LDB2: variants seen among roughly 807,000 people sequenced by gnomAD.
The protein encoded by LDB2 is LIM domain-binding protein 2.
Under a neutral mutation model 44.3 loss-of-function variants are expected in LDB2, and 12 were observed. The observed-to-expected ratio is 0.27, with a 90% CI of 0.17 to 0.44. The LOEUF (loss-of-function observed/expected upper bound fraction) is 0.44, where lower values mean the gene tolerates loss of function less well. LDB2 is among the 20% of genes least tolerant of loss of function. LDB2 has a pLI of 1.00. For missense variants in LDB2, 344 were observed against 473.5 expected (o/e 0.73, Z 2.54); for synonymous variants, 164 against 174.8 (o/e 0.94, Z 0.49).
chr4:16,667,718 G>A (rs1335021775), intron 2 of LDB2, among the ~76,000 whole-genome samples: 4 of 152,186 alleles, frequency 2.6e-5, no homozygotes, highest in African/African-American at 9.7e-5. Flanking sequence ...TCAGAGGCAT[G>A]CTCAGGCCTG....
chr4:16,772,507 A>G lies in LDB2; in HGVS notation c.133-13247T>C, dbSNP rs1770927796. 3.3e-5 allele frequency among the ~76,000 whole-genome samples: 5 copies of G among 152,210 alleles called. No individual in the cohort carries two copies. In the South Asian group the frequency reaches 1.0e-3, roughly 32 times the overall value. ...GTTCAGAGCTGGCACAGCCCAGCTG[A>G]TTACAACCACATCATAGAGTACCAG... On this transcript the variant is annotated intron_variant, in intron 1 of 7. Transcript: ENST00000304523.
intron 2 of LDB2, among the ~76,000 whole-genome samples, chr4:16,635,872 ATAG>A (rs1177239144): frequency 2.0e-5 from 3 of 152,130 alleles, no homozygotes; most frequent in Non-Finnish European, 4.4e-5. Flanking sequence ...CTCACGGTCT[ATAG>A]TATAGGTGAA....
At chr4:16,762,624 C>A (rs1768175721) in intron 1 of LDB2, among the ~76,000 whole-genome samples, 1 of 152,160 alleles carries the variant, frequency 6.6e-6, no homozygotes, top group South Asian at 2.1e-4. Flanking sequence ...AAACCACCCC[C>A]ATGATTCAAT....
At chr4:16,672,385 G>C (rs1452317479) in intron 2 of LDB2, among the ~76,000 whole-genome samples, 4 of 152,186 alleles carry the variant, frequency 2.6e-5, no homozygotes, top group Non-Finnish European at 5.9e-5. Context: ...TGGGAAAAAA[G>C]CTGGAGAGGA....
At chr4:16,840,539 A>G (rs1251748544) in intron 1 of LDB2, among the ~76,000 whole-genome samples, 1 of 152,204 alleles carries the variant, frequency 6.6e-6, no homozygotes, top group Non-Finnish European at 1.5e-5. Flanking sequence ...CGGCTTTAAT[A>G]GCTTATCTAC....
chr4:16,714,996 C>CT (rs547866243), intron 2 of LDB2, among the ~76,000 whole-genome samples: 1 of 152,220 alleles, frequency 6.6e-6, no homozygotes, highest in East Asian at 1.9e-4. Context: ...TGGGGTATAT[C>CT]TTTTTTTGGG....
At chr4:16,897,939 CACATATGT>C (rs1725725682) in intron 1 of LDB2, among the ~76,000 whole-genome samples, 1 of 10,474 alleles carries the variant, frequency 9.5e-5, no homozygotes, top group African/African-American at 6.5e-4. Context: ...TATATATATA[CACATATGT>C]ATATATATAT....
At chr4:16,761,002 T>G (rs1767786588) in intron 1 of LDB2, among the ~76,000 whole-genome samples, 2 of 150,994 alleles carry the variant, frequency 1.3e-5, no homozygotes, top group Admixed American at 1.3e-4. Context: ...TTCTTCTGTG[T>G]GTGTGGTTTT....
chr4:16,505,156 A>C (rs13112197), intron 7 of LDB2, among the ~76,000 whole-genome samples: 28,008 of 152,244 alleles, frequency 0.18, 3,032 homozygotes, highest in South Asian at 0.3. Flanking sequence ...CTATGAACAT[A>C]GTGGTTTGAA....
rs144411578 is a variant in LDB2 at position 16,725,242 on chromosome 4, T to TCA, written c.235+33914_235+33915dup. On this transcript the variant is annotated intron_variant, in intron 2 of 7. Transcript: ENST00000304523. Reference sequence around the variant, plus strand: ...CTACCTCTTGTGTGCATACACAAGTTCACACACACACACACACACGCACAC... The same window carrying TCA: ...CTACCTCTTGTGTGCATACACAAGTTCACACACACACACACACACACGCACAC... Among the ~76,000 whole-genome samples the TCA allele has an allele frequency of 9.5e-3, 1,423 of 149,586 alleles. 14 individuals carry two copies. The highest frequency in any genetic ancestry group is 0.018 in the African/African-American group (731 of 40,958).
chr4:16,823,870 A>C (rs1027814958), intron 1 of LDB2, among the ~76,000 whole-genome samples: 1 of 152,250 alleles, frequency 6.6e-6, no homozygotes, highest in African/African-American at 2.4e-5. Context: ...ATCACTTAAA[A>C]GTAATGTTTG....
At chr4:16,570,314 T>G (rs1381384109) in intron 5 of LDB2, among the ~76,000 whole-genome samples, 11 of 150,464 alleles carry the variant, frequency 7.3e-5, no homozygotes, top group Middle Eastern at 3.4e-3. Flanking sequence ...ATACAAAAAA[T>G]TAGCTGGGTG....
At chr4:16,593,168 C>T (rs148402672) in intron 3 of LDB2, among the ~76,000 whole-genome samples, 5 of 152,122 alleles carry the variant, frequency 3.3e-5, no homozygotes, top group Admixed American at 3.3e-4. Flanking sequence ...ATAAAAGCAA[C>T]TCAGAACCAC....
chr4:16,747,558 C>T (rs1764642854), intron 2 of LDB2, among the ~76,000 whole-genome samples: 1 of 152,190 alleles, frequency 6.6e-6, no homozygotes, highest in Non-Finnish European at 1.5e-5. Flanking sequence ...CAAGTGAACA[C>T]TGAATAAGTA....
chr4:16,512,455 C>T (rs201973821), intron 5 of LDB2, among the ~76,000 whole-genome samples: 5 of 149,470 alleles, frequency 3.3e-5, no homozygotes, highest in Admixed American at 6.7e-5. Flanking sequence ...ACAAACAAAA[C>T]AAAACAAAAA....
chr4:16,750,475 C>G (rs1765286400), intron 2 of LDB2, among the ~76,000 whole-genome samples: 1 of 152,236 alleles, frequency 6.6e-6, no homozygotes, highest in African/African-American at 2.4e-5. Flanking sequence ...CCAACCTCTG[C>G]TGGGGCATTT....
Position 16,560,934 on chromosome 4 carries a change from A to G in LDB2, c.615+24988T>C, listed in dbSNP as rs920240732. 1.5e-4 allele frequency among the ~76,000 whole-genome samples: 23 copies of G among 152,348 alleles called. No homozygotes were observed. The East Asian group carries it at 1.7e-3, about 11-fold the overall frequency. On this transcript the variant is annotated intron_variant, in intron 5 of 7. Transcript: ENST00000304523. ...CAATATACACAAATCAATAAATGTAATCCAGCATATAAACAGAACCAAAGA... is the reference window on the plus strand; with the variant it reads ...CAATATACACAAATCAATAAATGTAGTCCAGCATATAAACAGAACCAAAGA...
At chr4:16,554,911 C>T (rs1738979025) in intron 5 of LDB2, among the ~76,000 whole-genome samples, 1 of 152,148 alleles carries the variant, frequency 6.6e-6, no homozygotes, top group Non-Finnish European at 1.5e-5. Flanking sequence ...CTAATGGAAA[C>T]TATGGACTTT....
chr4:16,695,081 A>C (rs549923014), intron 2 of LDB2, among the ~76,000 whole-genome samples: 1 of 152,076 alleles, frequency 6.6e-6, no homozygotes, highest in South Asian at 2.1e-4. Flanking sequence ...CCTAGCATGG[A>C]CTTGTAACTT....
Sources: allele counts gnomAD v4.1 joint callset (sites outside exome capture counted in the v4.1 genomes callset), GRCh38; gene constraint gnomAD v4.1.1; transcripts MANE v1.5; gene names NCBI Gene and HGNC (gene_info 2026-07-23, HGNC 2026-07-21).